The following ACTL6A variants were observed in gnomAD, a reference collection of about 807,000 sequenced individuals.
The protein encoded by ACTL6A is actin like 6A.
ACTL6A carries 5 observed loss-of-function variants against 59.2 expected under a neutral mutation model. That is an observed-to-expected ratio of 0.08 (90% CI 0.04 to 0.18). The LOEUF is 0.18. ACTL6A is among the 10% of genes least tolerant of loss of function. The pLI is 1.00. For missense variants in ACTL6A, 285 were observed against 526.9 expected, an observed-to-expected ratio of 0.54 and a Z score of 4.49; for synonymous variants, 154 against 171.8, an observed-to-expected ratio of 0.90 and a Z score of 0.81.
chr3:179,579,294 A>C (rs1045788789), intron 8 of ACTL6A, among the ~76,000 whole-genome samples: 1 of 152,146 alleles, frequency 6.6e-6, no homozygotes, highest in Non-Finnish European at 1.5e-5. Flanking sequence ...CATAGTTTGC[A>C]AATATTTTCT....
At chr3:179,575,775 C>T (rs1025779012) in intron 5 of ACTL6A, among the ~76,000 whole-genome samples, 1 of 152,212 alleles carries the variant, frequency 6.6e-6, no homozygotes, top group African/African-American at 2.4e-5. Context: ...TGCCAAACTG[C>T]TGAAACAGCT....
intron 12 of ACTL6A, 25 bp from the exon 13 acceptor site, chr3:179,586,521 A>G: frequency 6.9e-7 from 1 of 1,452,210 alleles, no homozygotes; most frequent in Non-Finnish European, 9.3e-7. Flanking sequence ...ATTTGATTGT[A>G]CTAATGCATA....
rs1182545589 is a variant in ACTL6A, at chr3:179,576,922, C to A, written c.768+9C>A. ...ACAATTATATGTGTAATGTAAGTAA[C>A]CCTCATTCTCTTTACAAAAATGTTA... On this transcript the variant is annotated intron_variant, in intron 8 of 13. Transcript: ENST00000429709. 2 of 1,598,626 alleles carry A rather than the reference C, an allele frequency of 1.3e-6. No individual in the cohort carries two copies. The highest frequency in any genetic ancestry group is 1.7e-6 in the Non-Finnish European group (2 of 1,173,012).
At chr3:179,580,261 A>G (rs1288999145) in intron 8 of ACTL6A, among the ~76,000 whole-genome samples, 3 of 152,232 alleles carry the variant, frequency 2.0e-5, no homozygotes, top group African/African-American at 7.2e-5. Flanking sequence ...ATAAAATGTG[A>G]TGTACATGCA....
At chr3:179,565,860 A>T (rs1462148277) in intron 1 of ACTL6A, among the ~76,000 whole-genome samples, 1 of 152,220 alleles carries the variant, frequency 6.6e-6, no homozygotes, top group Non-Finnish European at 1.5e-5. Context: ...TGACAGTTAC[A>T]GTATTGAAAG....
intron 11 of ACTL6A, among the ~76,000 whole-genome samples, chr3:179,582,179 A>G (rs1718359241): frequency 6.6e-6 from 1 of 152,234 alleles, no homozygotes; most frequent in South Asian, 2.1e-4. Flanking sequence ...CGCAAATACA[A>G]TTCCACCTTT....
rs1411997547 is a variant in ACTL6A, at chr3:179,587,989, T to C, written c.1269T>C (p.Cys423=). ...AATATGAAGAAGGAGGGAAGCAGTG[T>C]GTAGAAAGAAAATGCCCTTGAGAAA... ...KQEYEEGGKQ[C]VERKCP Residue 423 remains cysteine (C), a synonymous_variant, in exon 14 of 14, where the codon TGT becomes TGC. Transcript: ENST00000429709. The C allele has an allele frequency of 6.2e-7, 1 of 1,604,332 alleles. No individual in the cohort carries two copies. Among genetic ancestry groups the C allele is most frequent in the Non-Finnish European group, 8.5e-7 (1 of 1,177,522 alleles).
intron 12 of ACTL6A, among the ~76,000 whole-genome samples, chr3:179,585,276 A>G (rs1490721214): frequency 6.6e-6 from 1 of 151,930 alleles, no homozygotes; most frequent in East Asian, 1.9e-4. Flanking sequence ...CTAATTTTTT[A>G]TTTTTAGTAG....
At chr3:179,566,896 G>A (rs1473724939) in intron 1 of ACTL6A, among the ~76,000 whole-genome samples, 1 of 147,436 alleles carries the variant, frequency 6.8e-6, no homozygotes, top group African/African-American at 2.5e-5. Flanking sequence ...TCACCATGTT[G>A]GCCAGGATGG....
chr3:179,588,078 A>C lies in ACTL6A; in HGVS notation c.*68A>C, dbSNP rs921564511. The C allele has an allele frequency of 4.3e-6, 5 of 1,164,910 alleles. No homozygotes were observed. The highest frequency in any genetic ancestry group is 1.6e-5 in the African/African-American group (1 of 62,152). 72.2% of individuals were successfully genotyped at this position (1,164,910 alleles called of 1,614,324 possible). A position where few individuals can be genotyped will look rare whatever the true frequency, so the allele number is the denominator to read the frequency against. The stretch of plus-strand genomic sequence containing the variant: ...TTTCATAGCTTTAGTATACTCAGGA[A>C]AAGAATGACCATCTTTTGTAGAATG... On this transcript the variant is annotated 3_prime_UTR_variant, in exon 14 of 14. Transcript: ENST00000429709.
intron 1 of ACTL6A, among the ~76,000 whole-genome samples, chr3:179,568,624 C>A (rs1231661216): frequency 1.3e-5 from 2 of 151,304 alleles, no homozygotes; most frequent in East Asian, 3.9e-4. Context: ...ACTAAGCATT[C>A]TTTTAGATTT....
chr3:179,587,877 C>T, intron 13 of ACTL6A, 53 bp from the exon 14 acceptor site: 2 of 1,511,382 alleles, frequency 1.3e-6, no homozygotes, highest in Non-Finnish European at 1.8e-6. Flanking sequence ...TTTTTTAAGC[C>T]ATTTCTAGTA....
At chr3:179,568,562 T>C (rs1236381513) in intron 1 of ACTL6A, among the ~76,000 whole-genome samples, 1 of 151,792 alleles carries the variant, frequency 6.6e-6, no homozygotes, top group East Asian at 1.9e-4. Context: ...TGTGTGTATA[T>C]GTGTATATAT....
chr3:179,581,275 T>C (rs2108367825), intron 11 of ACTL6A, 55 bp downstream of exon 11: 3 of 1,407,576 alleles, frequency 2.1e-6, no homozygotes, highest in Non-Finnish European at 3.0e-6. Flanking sequence ...GACTGAAATG[T>C]CCCCAAATCA....
chr3:179,581,125 T>G lies in ACTL6A; in HGVS notation c.946-15T>G. The G allele has an allele frequency of 6.2e-7, 1 of 1,613,352 alleles. No homozygotes were observed. The highest frequency in any genetic ancestry group is 8.5e-7 in the Non-Finnish European group (1 of 1,179,272). On this transcript the variant is annotated splice_polypyrimidine_tract_variant and intron_variant, in intron 10 of 13. Coordinates refer to ENST00000429709, the MANE Select transcript of ACTL6A (RefSeq NM_004301.5). ...GAAGAGCTTCCATGTGACTACTTGTTTTCTTTTGTTGTAGGGGTTATCAGG... is the reference window on the plus strand; with the variant it reads ...GAAGAGCTTCCATGTGACTACTTGTGTTCTTTTGTTGTAGGGGTTATCAGG...
chr3:179,586,489 ATT>A lies in ACTL6A; in HGVS notation c.1123-54_1123-53del. 15 of 1,221,278 alleles carry A rather than the reference ATT, an allele frequency of 1.2e-5. 1 individual carries two copies. The South Asian group carries it at 2.4e-4, about 19-fold the overall frequency. The allele number at this position is 1,221,278 out of a possible 1,614,324, so 75.7% of individuals were successfully genotyped here. A position where few individuals can be genotyped will look rare whatever the true frequency, so the allele number is the denominator to read the frequency against. ...TTTGAAAAAAAAAAAAAAAAAAAGAATTTTCTAAGTTGAGTCACAAGATTTGA... is the reference window on the plus strand; with the variant it reads ...TTTGAAAAAAAAAAAAAAAAAAAGAATTCTAAGTTGAGTCACAAGATTTGA... On this transcript the variant is annotated intron_variant, in intron 12 of 13. Coordinates refer to ENST00000429709, the MANE Select transcript of ACTL6A (RefSeq NM_004301.5).
At chr3:179,574,544 A>T in intron 5 of ACTL6A, 77 bp downstream of exon 5, 1 of 1,033,328 alleles carries the variant, frequency 9.7e-7, no homozygotes, top group South Asian at 1.4e-5. Flanking sequence ...GGGAGAAGAC[A>T]TACGCCAATT....
At chr3:179,566,918 T>C (rs1293871269) in intron 1 of ACTL6A, among the ~76,000 whole-genome samples, 2 of 149,790 alleles carry the variant, frequency 1.3e-5, no homozygotes, top group African/African-American at 4.9e-5. Context: ...CTTGATCTCC[T>C]GACCTCGTAA....
chr3:179,581,181 C>T lies in ACTL6A; in HGVS notation c.987C>T (p.Val329=), dbSNP rs778729027. The T allele has an allele frequency of 1.2e-6, 2 of 1,613,954 alleles. No individual in the cohort carries two copies. Among genetic ancestry groups the T allele is most frequent in the East Asian group, 2.2e-5 (1 of 44,866 alleles). Residue 329 remains valine (V), a synonymous_variant, in exon 11 of 14, where the codon GTC becomes GTT. Transcript: ENST00000429709. Reference sequence around the variant, plus strand: ...CAATGTTAGGAGTCAGTCATGTTGTCACCACAAGTGTTGGGATGTGTGATA... The same window carrying T: ...CAATGTTAGGAGTCAGTCATGTTGTTACCACAAGTGTTGGGATGTGTGATA... The part of the protein sequence containing the change: ...GNTMLGVSHV[V]TTSVGMCDID...
Sources: allele counts gnomAD v4.1 joint callset (sites outside exome capture counted in the v4.1 genomes callset), GRCh38; gene constraint gnomAD v4.1.1; transcripts MANE v1.5; gene names NCBI Gene and HGNC (gene_info 2026-07-23, HGNC 2026-07-21).